SRBD1: variants seen among roughly 807,000 people sequenced by gnomAD.
SRBD1 encodes S1 RNA-binding domain-containing protein 1.
Under a neutral mutation model 115.3 loss-of-function variants are expected in SRBD1, and 88 were observed. The ratio of observed to expected loss-of-function variants is 0.76; its 90% CI spans 0.64 to 0.91. The LOEUF is 0.91. Ranked by LOEUF, SRBD1 falls within the 40% of genes least tolerant of loss-of-function variation. The probability of loss-of-function intolerance (pLI) is 0.00; values close to 1 mark genes in which losing one functional copy is unlikely to be tolerated. For missense variants in SRBD1, 1,385 were observed against 1,177.4 expected, an observed-to-expected ratio of 1.18 and a Z score of -2.58; for synonymous variants, 509 against 407.7, an observed-to-expected ratio of 1.25 and a Z score of -2.99.
chr2:45,499,978 G>A (rs916674631), intron 14 of SRBD1, among the ~76,000 whole-genome samples: 2 of 151,890 alleles, frequency 1.3e-5, no homozygotes, highest in Non-Finnish European at 2.9e-5. Flanking sequence ...AGCTATTTGG[G>A]GTCTTTTGTT....
intron 14 of SRBD1, among the ~76,000 whole-genome samples, chr2:45,525,391 T>G (rs1671409710): frequency 6.6e-6 from 1 of 152,010 alleles, no homozygotes; most frequent in South Asian, 2.1e-4. Context: ...AATCATACAC[T>G]TGGATAAGGG....
chr2:45,472,752 A>G (rs1435282862), intron 16 of SRBD1, among the ~76,000 whole-genome samples: 1 of 152,230 alleles, frequency 6.6e-6, no homozygotes, highest in Non-Finnish European at 1.5e-5. Context: ...TGTAATATGC[A>G]TATTTCTTGA....
intron 16 of SRBD1, among the ~76,000 whole-genome samples, chr2:45,453,835 A>C (rs1403948270): frequency 2.0e-5 from 3 of 152,016 alleles, no homozygotes; most frequent in African/African-American, 7.2e-5. Context: ...AATAATTTGG[A>C]GACAAAACAT....
In SRBD1 at chr2:45,419,481, T is replaced by C. The variant is rs187376834; in HGVS notation, c.2156+307A>G. Reference sequence around the variant, plus strand: ...CTTAACTAGTGAAAAATCTCTACTCTCACGTGGTGGGAAACAGCTCTTTTC... The same window carrying C: ...CTTAACTAGTGAAAAATCTCTACTCCCACGTGGTGGGAAACAGCTCTTTTC... On this transcript the variant is annotated intron_variant, in intron 17 of 20. Transcript: ENST00000263736. Among the ~76,000 whole-genome samples the C allele has an allele frequency of 7.9e-5, 12 of 152,334 alleles. No individual in the cohort carries two copies. In the East Asian group the frequency reaches 2.3e-3, roughly 29 times the overall value.
chr2:45,545,187 G>C (rs1290998887), intron 14 of SRBD1, among the ~76,000 whole-genome samples: 1 of 150,040 alleles, frequency 6.7e-6, no homozygotes, highest in Non-Finnish European at 1.5e-5. Flanking sequence ...GGCTGAGGCA[G>C]GAGAGTGGCA....
chr2:45,576,474 C>T (rs534066207), intron 7 of SRBD1, among the ~76,000 whole-genome samples: 117 of 152,124 alleles, frequency 7.7e-4, no homozygotes, highest in Non-Finnish European at 1.2e-3. Flanking sequence ...TATTATGCAA[C>T]GGTCAATTAC....
chr2:45,482,841 T>C (rs1458261415), intron 15 of SRBD1, among the ~76,000 whole-genome samples: 1 of 152,110 alleles, frequency 6.6e-6, no homozygotes, highest in African/African-American at 2.4e-5. Flanking sequence ...ACCATTTGCA[T>C]AGAACCTACA....
At chr2:45,473,537 ATT>A (rs1191606601) in intron 16 of SRBD1, among the ~76,000 whole-genome samples, 1 of 152,142 alleles carries the variant, frequency 6.6e-6, no homozygotes, top group African/African-American at 2.4e-5. Context: ...AAGGTTCAAA[ATT>A]GTTTTTATTT....
chr2:45,437,918 A>C (rs1454943811), intron 16 of SRBD1, among the ~76,000 whole-genome samples: 1 of 152,234 alleles, frequency 6.6e-6, no homozygotes, highest in Non-Finnish European at 1.5e-5. Flanking sequence ...GGATTTTGTT[A>C]AAATTTAGTG....
intron 14 of SRBD1, among the ~76,000 whole-genome samples, chr2:45,507,943 T>TA (rs1310898134): frequency 3.3e-5 from 5 of 152,010 alleles, no homozygotes; most frequent in Non-Finnish European, 7.4e-5. Context: ...CCAAAATAAA[T>TA]AAATAAATAA....
intron 19 of SRBD1, among the ~76,000 whole-genome samples, chr2:45,406,660 G>A (rs902748381): frequency 2.0e-5 from 3 of 152,028 alleles, no homozygotes; most frequent in African/African-American, 7.3e-5. Context: ...TATTTTTAGT[G>A]GAATATTCTT....
At chr2:45,408,240 A>G (rs1281888948) in intron 19 of SRBD1, among the ~76,000 whole-genome samples, 1 of 152,240 alleles carries the variant, frequency 6.6e-6, no homozygotes, top group Non-Finnish European at 1.5e-5. Flanking sequence ...TAGAGTATGA[A>G]CTACCTATGC....
chr2:45,562,486 C>T (rs530333279), intron 10 of SRBD1, among the ~76,000 whole-genome samples, 167 bp downstream of exon 10: 2 of 152,328 alleles, frequency 1.3e-5, no homozygotes, highest in South Asian at 4.1e-4. Flanking sequence ...CCCCCCTCAG[C>T]CTCCGAAAGT....
At position 45,599,731 on chromosome 2, in the gene SRBD1, C is replaced by T. The variant is rs758033341; in HGVS notation, c.366G>A (p.Ala122=). ...TAGTCCTTCGAACTGTATGTGGCTG[C>T]GCTGCACATTTCTGTTTTGTCTTGG... is the stretch of plus-strand genomic sequence containing the variant. ...KTAKTKQKCA[A]QPHTVRRTKK... The change falls in exon 4 of 21, where the codon GCG becomes GCA. Residue 122 remains alanine, a synonymous_variant. Transcript: ENST00000263736. 38 of 1,614,062 alleles carry T rather than the reference C, an allele frequency of 2.4e-5. No homozygotes were observed. In the Middle Eastern group the frequency reaches 4.9e-4, roughly 21 times the overall value.
chr2:45,570,627 TAAC>T (rs1171538375), intron 9 of SRBD1, among the ~76,000 whole-genome samples: 3 of 152,166 alleles, frequency 2.0e-5, no homozygotes, highest in African/African-American at 7.2e-5. Flanking sequence ...AAAAATTTTA[TAAC>T]AACGAAAGAA....
At chr2:45,594,001 G>A (rs1033208234) in intron 4 of SRBD1, among the ~76,000 whole-genome samples, 2 of 152,032 alleles carry the variant, frequency 1.3e-5, no homozygotes, top group South Asian at 2.1e-4. Context: ...ACAATATTCT[G>A]TATGTTATAC....
At chr2:45,471,695 CTTAA>C (rs1258327197) in intron 16 of SRBD1, among the ~76,000 whole-genome samples, 8 of 152,076 alleles carry the variant, frequency 5.3e-5, no homozygotes, top group African/African-American at 1.7e-4. Context: ...TACAACTTTA[CTTAA>C]TTGTTAGGTT....
intron 16 of SRBD1, among the ~76,000 whole-genome samples, chr2:45,474,524 C>T (rs1669747952): frequency 6.6e-6 from 1 of 152,194 alleles, no homozygotes; most frequent in Non-Finnish European, 1.5e-5. Flanking sequence ...AAGGTCAGTG[C>T]TTCAGCTTGG....
intron 7 of SRBD1, among the ~76,000 whole-genome samples, chr2:45,577,893 A>C (rs1673229614): frequency 1.3e-5 from 2 of 152,154 alleles, no homozygotes; most frequent in Non-Finnish European, 2.9e-5. Flanking sequence ...TCAGGGTAAA[A>C]GAAAGAGGGA....
Sources: gnomAD v4.1 joint callset for allele counts (sites outside exome capture counted in the v4.1 genomes callset) on GRCh38, gnomAD v4.1.1 for gene constraint, MANE v1.5 for transcripts, NCBI Gene and HGNC (gene_info 2026-07-23, HGNC 2026-07-21) for gene names.